Variants in EDA observed in about 807,000 individuals in gnomAD.
EDA encodes the protein ectodysplasin-A.
Under a neutral mutation model 23.6 loss-of-function variants are expected in EDA, and 2 were observed. The ratio of observed to expected loss-of-function variants is 0.08; its 90% CI spans 0.03 to 0.27. The LOEUF (loss-of-function observed/expected upper bound fraction) is 0.27. EDA is among the 10% of genes least tolerant of loss of function. EDA has a pLI of 1.00. For synonymous variants in EDA, 131 were observed against 132.0 expected (o/e 0.99, Z 0.05); for missense variants, 229 against 324.2 (o/e 0.71, Z 2.26).
intron 1 of EDA, among the ~76,000 whole-genome samples, chrX:69,779,379 C>T (rs760052949): frequency 3.6e-5 from 4 of 111,505 alleles, no homozygotes; most frequent in Admixed American, 9.5e-5. Flanking sequence ...CATGCTAGTA[C>T]ATGAATAAAC....
At chrX:69,954,655 A>G (rs1311938417) in intron 1 of EDA, among the ~76,000 whole-genome samples, 1 of 111,969 alleles carries the variant, frequency 8.9e-6, no homozygotes, top group African/African-American at 3.2e-5. Context: ...AAATATTGCT[A>G]TTACGGGGTT....
chrX:69,956,293 TTCTTTCTTTCTTTCTTTC>T (rs2019000117), intron 1 of EDA, among the ~76,000 whole-genome samples: 2 of 102,085 alleles, frequency 2.0e-5, no homozygotes, highest in African/African-American at 7.1e-5. Flanking sequence ...CTTTCTTTCT[TTCTTTCTTTCTTTCTTTC>T]TCTTTCTCTT....
At chrX:69,783,116 T>A (rs967837176) in intron 1 of EDA, among the ~76,000 whole-genome samples, 1 of 111,523 alleles carries the variant, frequency 9.0e-6, no homozygotes, top group African/African-American at 3.3e-5. Context: ...CCATTAAAAT[T>A]AAACATAGTG....
chrX:69,669,477 A>C lies in EDA; in HGVS notation c.396+52773A>C, dbSNP rs762350914. On this transcript the variant is annotated intron_variant, in intron 1 of 7. Transcript: ENST00000374552. ...GTTTTATGTTTACCGTGATGCTTAC[A>C]TAAAACATCTTATAGTTATAATAAA... Among the ~76,000 whole-genome samples, 4 of 111,562 alleles carry C rather than the reference A, an allele frequency of 3.6e-5. No individual in the cohort carries two copies. The East Asian group carries it at 1.1e-3, about 31-fold the overall frequency.
intron 1 of EDA, among the ~76,000 whole-genome samples, chrX:69,816,708 A>T (rs776542497): frequency 9.0e-6 from 1 of 111,225 alleles, no homozygotes; most frequent in African/African-American, 3.3e-5. Flanking sequence ...ATGTAAAGAG[A>T]TGGAACCTAT....
chrX:69,642,232 C>G (rs1932848467), intron 1 of EDA, among the ~76,000 whole-genome samples: 2 of 111,256 alleles, frequency 1.8e-5, no homozygotes, highest in South Asian at 7.6e-4. Context: ...TTGATTACTG[C>G]TTTTATTATT....
At chrX:69,771,694 G>A (rs183942772) in intron 1 of EDA, among the ~76,000 whole-genome samples, 6 of 111,950 alleles carry the variant, frequency 5.4e-5, no homozygotes, top group African/African-American at 1.3e-4. Context: ...CAATAAAGCC[G>A]TTATGAAAAA....
At chrX:69,901,231 G>A in intron 1 of EDA, among the ~76,000 whole-genome samples, 1 of 111,750 alleles carries the variant, frequency 8.9e-6, no homozygotes, top group Non-Finnish European at 1.9e-5. Context: ...TTTTTCTGTA[G>A]CAATTAGGTT....
chrX:69,715,922 A>G (rs761832477), intron 1 of EDA, among the ~76,000 whole-genome samples: 1 of 111,045 alleles, frequency 9.0e-6, no homozygotes, highest in Non-Finnish European at 1.9e-5. Flanking sequence ...CTACTTTTTA[A>G]TGGGTTTGTT....
At chrX:69,928,644 A>G (rs1031329775) in intron 1 of EDA, among the ~76,000 whole-genome samples, 39 of 112,036 alleles carry the variant, frequency 3.5e-4, no homozygotes, top group Admixed American at 3.4e-3. Context: ...CTTTTTGGAA[A>G]CAAACTACTT....
chrX:69,709,829 A>T (rs1280752051), intron 1 of EDA, among the ~76,000 whole-genome samples: 7 of 110,737 alleles, frequency 6.3e-5, no homozygotes, highest in Non-Finnish European at 1.3e-4. Flanking sequence ...GTTGTTATTA[A>T]GAAAATTGTA....
At chrX:69,876,255 G>T (rs1056322237) in intron 1 of EDA, among the ~76,000 whole-genome samples, 1 of 105,492 alleles carries the variant, frequency 9.5e-6, no homozygotes, top group African/African-American at 3.4e-5. Context: ...ATCAGTTAAC[G>T]AGTGGATAAA....
At chrX:69,723,835 C>A (rs1044633514) in intron 1 of EDA, among the ~76,000 whole-genome samples, 3 of 111,058 alleles carry the variant, frequency 2.7e-5, no homozygotes, top group Non-Finnish European at 3.8e-5. Context: ...TTCAACCTTT[C>A]CCGCTTTCTT....
intron 1 of EDA, among the ~76,000 whole-genome samples, chrX:69,645,931 C>T (rs1343526632): frequency 2.7e-5 from 3 of 110,314 alleles, no homozygotes; most frequent in African/African-American, 9.9e-5. Context: ...TGATTTCTGC[C>T]TTAATTTCAC....
At chrX:69,923,013 G>A (rs986491244) in intron 1 of EDA, among the ~76,000 whole-genome samples, 4 of 111,506 alleles carry the variant, frequency 3.6e-5, no homozygotes, top group African/African-American at 1.3e-4. Flanking sequence ...GCAGTAAGGA[G>A]GACTAAAATG....
chrX:69,987,322 A>T (rs1280754581), intron 2 of EDA, among the ~76,000 whole-genome samples: 1 of 108,101 alleles, frequency 9.3e-6, no homozygotes, highest in African/African-American at 3.4e-5. Context: ...AAAAATAAAT[A>T]AATAAAAAAA....
chrX:69,883,469 T>C (rs1362083082), intron 1 of EDA, among the ~76,000 whole-genome samples: 1 of 111,738 alleles, frequency 8.9e-6, no homozygotes, highest in African/African-American at 3.3e-5. Context: ...CCAGGATAAC[T>C]GGGTACCCAA....
chrX:69,808,485 T>A (rs1401469165), intron 1 of EDA, among the ~76,000 whole-genome samples: 3 of 111,732 alleles, frequency 2.7e-5, no homozygotes, highest in Non-Finnish European at 5.6e-5. Context: ...TTATTGCCCA[T>A]GTGGTTGAAC....
chrX:69,812,288 C>T (rs1012216775), intron 1 of EDA, among the ~76,000 whole-genome samples: 17 of 111,717 alleles, frequency 1.5e-4, no homozygotes, highest in Non-Finnish European at 2.8e-4. Flanking sequence ...TTTAGAAGTC[C>T]TATGTAGCTT....
Sources: gnomAD v4.1 joint callset for allele counts (sites outside exome capture counted in the v4.1 genomes callset) on GRCh38, gnomAD v4.1.1 for gene constraint, MANE v1.5 for transcripts, NCBI Gene and HGNC (gene_info 2026-07-23, HGNC 2026-07-21) for gene names.